SPDYE10: variants seen among roughly 807,000 people sequenced by gnomAD.
The protein encoded by SPDYE10 is speedy/RINGO cell cycle regulator family member E10.
chr7:73,139,582 A>C, the SPDYE10 span, among the ~76,000 whole-genome samples: 3 of 147,426 alleles, frequency 2.0e-5, no homozygotes, highest in African/African-American at 7.7e-5. Flanking sequence ...CAGCCTCCCA[A>C]AGTGCTGAGA....
At chr7:73,152,392 T>G in the SPDYE10 span, among the ~76,000 whole-genome samples, 1 of 142,168 alleles carries the variant, frequency 7.0e-6, no homozygotes, top group East Asian at 2.0e-4. Context: ...TCCAACATTT[T>G]TTTTTTTTTG....
At chr7:73,137,527 GGAAAGAAAGAGAGAGA>G in the SPDYE10 span, among the ~76,000 whole-genome samples, 1 of 108,924 alleles carries the variant, frequency 9.2e-6, no homozygotes, top group African/African-American at 3.6e-5. Flanking sequence ...AAAAAAAAAA[GGAAAGAAAGAGAGAGA>G]GAAAGAAAGA....
the SPDYE10 span, among the ~76,000 whole-genome samples, chr7:73,139,622 C>T: frequency 6.7e-6 from 1 of 150,320 alleles, no homozygotes; most frequent in African/African-American, 2.5e-5. Flanking sequence ...CGCCCCCTGG[C>T]CTTTTTTTGT....
chr7:73,107,651 A>G, the SPDYE10 span, among the ~76,000 whole-genome samples: 2 of 75,162 alleles, frequency 2.7e-5, 1 homozygote, highest in Non-Finnish European at 5.6e-5. Context: ...GAATACACTG[A>G]TATTTTGCCA....
At chr7:73,142,976 GAGGGAGGAAGGA>G in the SPDYE10 span, among the ~76,000 whole-genome samples, 33 of 133,492 alleles carry the variant, frequency 2.5e-4, no homozygotes, top group African/African-American at 5.6e-4. Flanking sequence ...GAGAGGGAGG[GAGGGAGGAAGGA>G]AGGAAGGAAG....
chr7:73,141,323 C>T, the SPDYE10 span, among the ~76,000 whole-genome samples: 94 of 150,342 alleles, frequency 6.3e-4, no homozygotes, highest in African/African-American at 1.8e-3. Context: ...AGATCACCTG[C>T]GGTCAGGAGT....
chr7:73,113,980 C>T, the SPDYE10 span, among the ~76,000 whole-genome samples: 1 of 147,286 alleles, frequency 6.8e-6, no homozygotes, highest in Non-Finnish European at 1.5e-5. Flanking sequence ...GAGCCAAGAT[C>T]ATACCATTTG....
At chr7:73,128,116 T>A in the SPDYE10 span, among the ~76,000 whole-genome samples, 1 of 152,130 alleles carries the variant, frequency 6.6e-6, no homozygotes, top group Non-Finnish European at 1.5e-5. Flanking sequence ...TAATGGAATA[T>A]GTTGTAGCAG....
At chr7:73,128,115 A>G in the SPDYE10 span, among the ~76,000 whole-genome samples, 39 of 152,248 alleles carry the variant, frequency 2.6e-4, 1 homozygote, top group African/African-American at 9.2e-4. Flanking sequence ...ATAATGGAAT[A>G]TGTTGTAGCA....
At chr7:73,113,762 G>T in the SPDYE10 span, among the ~76,000 whole-genome samples, 329 of 151,856 alleles carry the variant, frequency 2.2e-3, no homozygotes, top group Non-Finnish European at 3.4e-3. Context: ...GGGGCCAGGT[G>T]CCATGGCTCA....
the SPDYE10 span, among the ~76,000 whole-genome samples, chr7:73,123,787 C>CA: frequency 7.0e-6 from 1 of 143,768 alleles, no homozygotes. Context: ...CTCTCTCTCT[C>CA]CCTCTCTCTC....
the SPDYE10 span, among the ~76,000 whole-genome samples, chr7:73,137,520 A>T: frequency 1.3e-5 from 2 of 151,396 alleles, no homozygotes; most frequent in African/African-American, 4.9e-5. Flanking sequence ...AGACTCCAAA[A>T]AAAAAAGGAA....
the SPDYE10 span, among the ~76,000 whole-genome samples, chr7:73,130,434 TTTTG>T: frequency 3.9e-5 from 6 of 152,088 alleles, no homozygotes; most frequent in East Asian, 1.9e-4. Flanking sequence ...TTTTTCAAGA[TTTTG>T]TTTGTTTTAT....
chr7:73,149,307 GGA>G, the SPDYE10 span, among the ~76,000 whole-genome samples: 1 of 93,124 alleles, frequency 1.1e-5, no homozygotes, highest in East Asian at 2.6e-4. Context: ...GGGGGGCGGG[GGA>G]CAGAGTCTCG....
chr7:73,113,766 T>A, the SPDYE10 span, among the ~76,000 whole-genome samples: 4 of 152,026 alleles, frequency 2.6e-5, no homozygotes, highest in African/African-American at 9.7e-5. Context: ...CCAGGTGCCA[T>A]GGCTCATGCC....
chr7:73,151,848 G>A, the SPDYE10 span, among the ~76,000 whole-genome samples: 4 of 94,094 alleles, frequency 4.3e-5, no homozygotes, highest in African/African-American at 1.6e-4. Context: ...TAATTGCCAT[G>A]CCCTGCTAAA....
the SPDYE10 span, chr7:73,104,793 A>G: frequency 7.0e-6 from 1 of 142,652 alleles, no homozygotes; most frequent in African/African-American, 2.5e-5. Flanking sequence ...TATCATAGAT[A>G]AAAAGAGTGC....
the SPDYE10 span, among the ~76,000 whole-genome samples, chr7:73,123,788 C>CCCTCTCTCTCT: frequency 3.7e-4 from 36 of 97,444 alleles, no homozygotes; most frequent in East Asian, 1.9e-3. Flanking sequence ...TCTCTCTCTC[C>CCCTCTCTCTCT]CTCTCTCTCT....
At chr7:73,139,756 A>AAG in the SPDYE10 span, among the ~76,000 whole-genome samples, 1 of 130,392 alleles carries the variant, frequency 7.7e-6, no homozygotes, top group Non-Finnish European at 1.6e-5. Flanking sequence ...TCCTGGGTTC[A>AAG]CGCCATTCTC....
Sources: gnomAD v4.1 joint callset for allele counts (sites outside exome capture counted in the v4.1 genomes callset) on GRCh38, gnomAD v4.1.1 for gene constraint, MANE v1.5 for transcripts, NCBI Gene and HGNC (gene_info 2026-07-23, HGNC 2026-07-21) for gene names.